Variants in SSBP2 observed in about 807,000 individuals in gnomAD.
SSBP2 encodes the protein single stranded DNA binding protein 2, also known as single-stranded DNA-binding protein 2.
SSBP2 carries 17 observed loss-of-function variants against 61.8 expected under a neutral mutation model. The ratio of observed to expected loss-of-function variants is 0.28; its 90% CI spans 0.19 to 0.41. The LOEUF is 0.41. Among genes scored for constraint, SSBP2 ranks in the 10% least tolerant of loss-of-function variants. The probability of loss-of-function intolerance (pLI) is 1.00; values close to 1 mark genes in which losing one functional copy is unlikely to be tolerated. For missense variants in SSBP2, 310 were observed against 458.7 expected, an observed-to-expected ratio of 0.68 and a Z score of 2.96; for synonymous variants, 139 against 141.3, an observed-to-expected ratio of 0.98 and a Z score of 0.12.
intron 12 of SSBP2, among the ~76,000 whole-genome samples, chr5:81,446,000 C>T (rs1763378747): frequency 6.6e-6 from 1 of 152,110 alleles, no homozygotes; most frequent in South Asian, 2.1e-4. Context: ...ATATTCTAAC[C>T]TACACCTTAA....
At chr5:81,494,079 C>G (rs1047015721) in intron 5 of SSBP2, among the ~76,000 whole-genome samples, 2 of 152,092 alleles carry the variant, frequency 1.3e-5, no homozygotes, top group South Asian at 4.2e-4. Flanking sequence ...TAATCTGAGA[C>G]AAATAGAATG....
chr5:81,554,426 A>G (rs1772438270), intron 4 of SSBP2, among the ~76,000 whole-genome samples: 1 of 150,714 alleles, frequency 6.6e-6, no homozygotes, highest in Non-Finnish European at 1.5e-5. Context: ...ACAATTTTAA[A>G]TATATAATTA....
chr5:81,724,586 C>A (rs1325488865), intron 1 of SSBP2, among the ~76,000 whole-genome samples: 1 of 151,924 alleles, frequency 6.6e-6, no homozygotes, highest in Admixed American at 6.6e-5. Context: ...TTGTATTCTA[C>A]AGGAAGAAAA....
intron 1 of SSBP2, among the ~76,000 whole-genome samples, chr5:81,690,591 ATTAGAG>A (rs1018520845): frequency 3.5e-4 from 54 of 152,280 alleles, no homozygotes; most frequent in African/African-American, 1.3e-3. Flanking sequence ...AGCAACTATT[ATTAGAG>A]TTAGAGAGAT....
intron 1 of SSBP2, among the ~76,000 whole-genome samples, chr5:81,722,649 T>C (rs377089592): frequency 6.6e-6 from 1 of 152,034 alleles, no homozygotes; most frequent in Non-Finnish European, 1.5e-5. Context: ...ATTTGTTTTC[T>C]CTAAGCCTTT....
chr5:81,624,625 T>C (rs908240569), intron 3 of SSBP2, among the ~76,000 whole-genome samples: 1 of 152,062 alleles, frequency 6.6e-6, no homozygotes, highest in African/African-American at 2.4e-5. Flanking sequence ...TATAATACCA[T>C]CCTAATATTT....
intron 4 of SSBP2, among the ~76,000 whole-genome samples, chr5:81,544,705 G>A (rs1312678190): frequency 6.6e-6 from 1 of 152,156 alleles, no homozygotes; most frequent in African/African-American, 2.4e-5. Flanking sequence ...TAATGTCACT[G>A]ATTTAGTGAA....
intron 16 of SSBP2, among the ~76,000 whole-genome samples, chr5:81,424,815 A>C (rs750996363): frequency 2.0e-4 from 30 of 152,242 alleles, no homozygotes; most frequent in African/African-American, 7.2e-4. Context: ...ATGGAGTATC[A>C]TATTTAGAGA....
intron 4 of SSBP2, among the ~76,000 whole-genome samples, chr5:81,582,808 G>A (rs1774760104): frequency 6.6e-6 from 1 of 152,128 alleles, no homozygotes; most frequent in South Asian, 2.1e-4. Context: ...TGGCCAGGCT[G>A]ATCTCGAACT....
chr5:81,695,444 C>T (rs1029701289), intron 1 of SSBP2, among the ~76,000 whole-genome samples: 1 of 151,896 alleles, frequency 6.6e-6, no homozygotes, highest in African/African-American at 2.4e-5. Context: ...TGGTGTGCTG[C>T]ACCCATTAAC....
chr5:81,720,698 T>C (rs1053212279), intron 1 of SSBP2, among the ~76,000 whole-genome samples: 1 of 152,204 alleles, frequency 6.6e-6, no homozygotes, highest in African/African-American at 2.4e-5. Flanking sequence ...AACAAAATTT[T>C]TGCTCTACTT....
At chr5:81,518,091 A>G (rs1483344252) in intron 4 of SSBP2, among the ~76,000 whole-genome samples, 1 of 152,186 alleles carries the variant, frequency 6.6e-6, no homozygotes, top group Non-Finnish European at 1.5e-5. Flanking sequence ...TACAGTGAAG[A>G]ATCAAGACAG....
chr5:81,458,253 G>A (rs1764301803), intron 10 of SSBP2, among the ~76,000 whole-genome samples: 1 of 152,136 alleles, frequency 6.6e-6, no homozygotes, highest in African/African-American at 2.4e-5. Flanking sequence ...AGTGAAATCT[G>A]AATAAAATCT....
intron 1 of SSBP2, among the ~76,000 whole-genome samples, chr5:81,682,699 G>T (rs1752487167): frequency 6.6e-6 from 1 of 151,966 alleles, no homozygotes; most frequent in African/African-American, 2.4e-5. Flanking sequence ...GGAAATAAAA[G>T]GCAAACAGAT....
intron 6 of SSBP2, among the ~76,000 whole-genome samples, chr5:81,481,686 G>T (rs1263065401): frequency 6.6e-6 from 1 of 150,510 alleles, no homozygotes; most frequent in Non-Finnish European, 1.5e-5. Flanking sequence ...AATGGATGTT[G>T]TGTTACCTTA....
At chr5:81,697,304 G>A (rs982662341) in intron 1 of SSBP2, among the ~76,000 whole-genome samples, 1 of 152,176 alleles carries the variant, frequency 6.6e-6, no homozygotes, top group African/African-American at 2.4e-5. Context: ...ACAAAACTGA[G>A]GAGCAGGGAA....
intron 1 of SSBP2, among the ~76,000 whole-genome samples, chr5:81,660,413 A>G (rs1399139479): frequency 6.6e-6 from 1 of 152,220 alleles, no homozygotes; most frequent in African/African-American, 2.4e-5. Flanking sequence ...CATATGAGAA[A>G]AAGTTCATCA....
intron 5 of SSBP2, among the ~76,000 whole-genome samples, chr5:81,492,940 T>C (rs1411213808): frequency 6.6e-6 from 1 of 152,106 alleles, no homozygotes; most frequent in Non-Finnish European, 1.5e-5. Flanking sequence ...TAGCTATAAA[T>C]ATTTGAAGTG....
chr5:81,705,977 A>C (rs1413511853), intron 1 of SSBP2, among the ~76,000 whole-genome samples: 1 of 152,208 alleles, frequency 6.6e-6, no homozygotes, highest in African/African-American at 2.4e-5. Flanking sequence ...CAATCAACCC[A>C]GCAATCCTAT....
Sources: gnomAD v4.1 joint callset for allele counts (sites outside exome capture counted in the v4.1 genomes callset) on GRCh38, gnomAD v4.1.1 for gene constraint, MANE v1.5 for transcripts, NCBI Gene and HGNC (gene_info 2026-07-23, HGNC 2026-07-21) for gene names.